Variants in USHBP1 observed in about 807,000 individuals in gnomAD.
USHBP1 encodes the protein harmonin-binding protein USHBP1.
Under a neutral mutation model 76.2 loss-of-function variants are expected in USHBP1, and 67 were observed. The ratio of observed to expected loss-of-function variants is 0.88; its 90% confidence interval spans 0.72 to 1.08. The LOEUF (loss-of-function observed/expected upper bound fraction) is 1.08. Ranked by LOEUF, USHBP1 falls within the 50% of genes least tolerant of loss-of-function variation. The pLI, the probability that USHBP1 is intolerant of heterozygous loss-of-function variation, is 0.00. For missense variants in USHBP1, 931 were observed against 915.0 expected, an observed-to-expected ratio of 1.02 and a Z score of -0.23; for synonymous variants, 322 against 362.2, an observed-to-expected ratio of 0.89 and a Z score of 1.26.
intron 8 of USHBP1, among the ~76,000 whole-genome samples, chr19:17,257,697 A>AGTGCAG (rs1285945755): frequency 6.7e-6 from 1 of 148,598 alleles, no homozygotes; most frequent in African/African-American, 2.5e-5. Flanking sequence ...CCCAGGCTGG[A>AGTGCAG]GTGCAGTGGT....
chr19:17,261,414 C>A (rs1290235081), intron 4 of USHBP1, among the ~76,000 whole-genome samples: 1 of 147,788 alleles, frequency 6.8e-6, no homozygotes, highest in Admixed American at 6.8e-5. Flanking sequence ...CGGCTCACTG[C>A]AAGCTCCGCC....
At chr19:17,250,560 T>C in intron 12 of USHBP1, 146 bp from the exon 13 acceptor site, 2 of 976,818 alleles carry the variant, frequency 2.0e-6, no homozygotes, top group Non-Finnish European at 1.5e-6. Flanking sequence ...TTGTTGTTGT[T>C]GTTGTTTGAG....
chr19:17,257,018 G>A (rs887820692), intron 8 of USHBP1, among the ~76,000 whole-genome samples: 10 of 146,174 alleles, frequency 6.8e-5, no homozygotes, highest in African/African-American at 2.5e-4. Flanking sequence ...GTGAGAATCC[G>A]TCTTTTTTTT....
chr19:17,250,068 C>G lies in USHBP1; in HGVS notation c.*157G>C. On this transcript the variant is annotated 3_prime_UTR_variant, in exon 13 of 13. Transcript: ENST00000252597. ...TGAGTCTTTCTTCATTGCCTGGCCA[C>G]ACCCCATCAGGCCCTGGACACCCAT... The G allele has an allele frequency of 1.3e-6, 1 of 770,672 alleles. No individual in the cohort carries two copies. Among genetic ancestry groups the G allele is most frequent in the Non-Finnish European group, 2.0e-6 (1 of 495,486 alleles). 47.7% of individuals were successfully genotyped at this position (770,672 alleles called of 1,614,324 possible). A position where few individuals can be genotyped will look rare whatever the true frequency, so the allele number is the denominator to read the frequency against.
At chr19:17,263,011 A>G in intron 3 of USHBP1, 21 bp from the exon 4 acceptor site, 2 of 1,506,116 alleles carry the variant, frequency 1.3e-6, no homozygotes, top group South Asian at 1.4e-5. Flanking sequence ...CAACTCAGGC[A>G]CTTGAGTCAC....
chr19:17,252,111 C>T, intron 10 of USHBP1, 94 bp from the exon 11 acceptor site: 3 of 1,160,096 alleles, frequency 2.6e-6, no homozygotes, highest in Non-Finnish European at 3.7e-6. Context: ...ACAGTGGCAG[C>T]TGCTGTGCTC....
Position 17,256,625 on chromosome 19 carries a change from A to C in USHBP1, c.1316T>G (p.Met439Arg), listed in dbSNP as rs1599470403. The C allele has an allele frequency of 6.2e-7, 1 of 1,614,194 alleles. No homozygotes were observed. Among genetic ancestry groups the C allele is most frequent in the Non-Finnish European group, 8.5e-7 (1 of 1,180,030 alleles). The change falls in exon 9 of 13, where the codon ATG becomes AGG. Residue 439 changes from methionine (M) to arginine (R), a missense_variant. Met to Arg is a moderately conservative substitution (Grantham distance 91, BLOSUM62 -1). Transcript: ENST00000252597. ...VQRLQERRSL[M>R]KILSEPGPTL... The stretch of plus-strand genomic sequence containing the variant: ...GGGGCCAGGCTCTGAGAGAATCTTC[A>C]TTAGAGAACGGCGCTCCTGGAGACG...
chr19:17,253,327 C>T (rs1308435379), intron 10 of USHBP1, among the ~76,000 whole-genome samples: 2 of 111,242 alleles, frequency 1.8e-5, no homozygotes. Flanking sequence ...GGAGTCTCGT[C>T]GCCCAGGCTG....
rs748613521 is a variant in USHBP1, at chr19:17,258,371, T to G, written c.1061A>C (p.Glu354Ala). Residue 354 changes from glutamate to alanine, a missense_variant, in exon 8 of 13, where the codon GAG becomes GCG. Coordinates refer to ENST00000252597, the MANE Select transcript of USHBP1 (RefSeq NM_031941.4). Reference sequence around the variant, plus strand: ...CAGAGCAAGCAGAACCCTGTATGCCTCTTCACAGTGTTCACTGTGGGACAC... The same window carrying G: ...CAGAGCAAGCAGAACCCTGTATGCCGCTTCACAGTGTTCACTGTGGGACAC... Reference protein sequence around the residue: ...LALQYSEHCEEAYRVLLALRE... With the variant: ...LALQYSEHCEAAYRVLLALRE... 3 of 1,613,456 alleles carry G rather than the reference T, an allele frequency of 1.9e-6. No individual in the cohort carries two copies. The highest frequency in any genetic ancestry group is 2.5e-6 in the Non-Finnish European group (3 of 1,179,926).
At chr19:17,250,964 G>A (rs1389110024) in intron 12 of USHBP1, among the ~76,000 whole-genome samples, 1 of 152,100 alleles carries the variant, frequency 6.6e-6, no homozygotes, top group Admixed American at 6.6e-5. Flanking sequence ...GGGTTCAAGC[G>A]ATTCTCCTGC....
chr19:17,252,847 A>C (rs1298440023), intron 10 of USHBP1, among the ~76,000 whole-genome samples: 10 of 151,832 alleles, frequency 6.6e-5, no homozygotes, highest in African/African-American at 2.4e-4. Context: ...GGATCGCAGC[A>C]CTGCACTCTA....
At chr19:17,260,225 T>C (rs1391636514) in intron 4 of USHBP1, among the ~76,000 whole-genome samples, 1 of 152,178 alleles carries the variant, frequency 6.6e-6, no homozygotes, top group Non-Finnish European at 1.5e-5. Flanking sequence ...AGCAGAAAAA[T>C]GGGCCCCACT....
Position 17,258,120 on chromosome 19 carries a change from A to AAC in USHBP1, c.1220+91_1220+92insGT. ...GACCTTGCTGGACACAGCCACACCA[A>AAC]GCCCCGAAACGTGGTGAGCTCTGGG... On this transcript the variant is annotated intron_variant, in intron 8 of 12. Transcript: ENST00000252597. 5 of 1,572,382 alleles carry AAC rather than the reference A, an allele frequency of 3.2e-6. No individual in the cohort carries two copies. The Middle Eastern group carries it at 9.0e-4, about 283-fold the overall frequency.
intron 7 of USHBP1, 65 bp downstream of exon 7, chr19:17,259,224 T>C (rs760473084): frequency 2.3e-5 from 35 of 1,534,370 alleles, no homozygotes; most frequent in Non-Finnish European, 2.9e-5. Context: ...TTCTGTGGAT[T>C]GGGGCCATCC....
In USHBP1 at chr19:17,262,684, C is replaced by T; in HGVS notation, c.510G>A (p.Gln170=). 1 of 1,614,162 alleles carries T rather than the reference C, an allele frequency of 6.2e-7. No individual in the cohort carries two copies. Among genetic ancestry groups the T allele is most frequent in the Non-Finnish European group, 8.5e-7 (1 of 1,180,034 alleles). The change falls in exon 4 of 13, where the codon CAG becomes CAA. Residue 170 remains glutamine (Q), a synonymous_variant. Coordinates refer to ENST00000252597, the MANE Select transcript of USHBP1 (RefSeq NM_031941.4). The part of the protein sequence containing the change: ...LGKQEGAGSC[Q]REAARLAERN... ...TCTCGGCCAGGCGAGCTGCCTCTCG[C>T]TGGCAGCTCCCTGCCCCTTCCTGCT...
Position 17,255,430 on chromosome 19 carries a change from A to G in USHBP1, c.1647T>C (p.His549=). Residue 549 remains histidine, a synonymous_variant, in exon 10 of 13, where the codon CAT becomes CAC. Transcript: ENST00000252597. Reference sequence around the variant, plus strand: ...CCCCGCTGCTGCCACCTCCGCTGCTATGTCCGCCACTGCTGTTTGCCCCAC... The same window carrying G: ...CCCCGCTGCTGCCACCTCCGCTGCTGTGTCCGCCACTGCTGTTTGCCCCAC... The part of the protein sequence containing the change: ...QAGGANSSGG[H]SSGGGSSGDE... 2 of 1,614,052 alleles carry G rather than the reference A, an allele frequency of 1.2e-6. No homozygotes were observed. Among genetic ancestry groups the G allele is most frequent in the South Asian group, 1.1e-5 (1 of 91,070 alleles).
At chr19:17,251,518 A>G in intron 12 of USHBP1, 64 bp downstream of exon 12, 1 of 1,600,866 alleles carries the variant, frequency 6.2e-7, no homozygotes, top group Non-Finnish European at 8.5e-7. Context: ...ACAGCCAGGG[A>G]TACTTCTGAT....
intron 12 of USHBP1, 127 bp from the exon 13 acceptor site, chr19:17,250,541 C>CTTT (rs2073537830): frequency 9.0e-7 from 1 of 1,109,868 alleles, no homozygotes. Context: ...GCTAGCTGGT[C>CTTT]TTTTGTTGTT....
intron 12 of USHBP1, 101 bp downstream of exon 12, chr19:17,251,481 G>A (rs1461869455): frequency 2.7e-6 from 4 of 1,506,008 alleles, no homozygotes; most frequent in Non-Finnish European, 3.6e-6. Flanking sequence ...CCTATCTTGG[G>A]GCAGTGGGGA....
Sources: allele counts gnomAD v4.1 joint callset (sites outside exome capture counted in the v4.1 genomes callset), GRCh38; gene constraint gnomAD v4.1.1; transcripts MANE v1.5; gene names NCBI Gene and HGNC (gene_info 2026-07-23, HGNC 2026-07-21).